Variants in TRPM3 observed in about 807,000 individuals in gnomAD.
TRPM3 encodes transient receptor potential cation channel subfamily M member 3.
In TRPM3, 77 loss-of-function variants were observed where a neutral mutation model predicts 181.2. That is an observed-to-expected ratio of 0.42 (90% CI 0.35 to 0.51). The LOEUF (loss-of-function observed/expected upper bound fraction) is 0.51, where lower values mean the gene tolerates loss of function less well. Ranked by LOEUF, TRPM3 falls within the 20% of genes least tolerant of loss-of-function variation. TRPM3 has a pLI of 0.01. For missense variants in TRPM3, 1,759 were observed against 2,196.7 expected (o/e 0.80, Z 3.98); for synonymous variants, 745 against 796.4 (o/e 0.94, Z 1.09).
At chr9:71,049,677 T>C (rs1331886493) in intron 1 of TRPM3, among the ~76,000 whole-genome samples, 1 of 152,158 alleles carries the variant, frequency 6.6e-6, no homozygotes, top group Non-Finnish European at 1.5e-5. Flanking sequence ...TGGCCATTTC[T>C]ACCTTGCCTG....
chr9:70,750,137 C>T (rs1026011824), intron 8 of TRPM3, among the ~76,000 whole-genome samples: 1 of 152,138 alleles, frequency 6.6e-6, no homozygotes, highest in Non-Finnish European at 1.5e-5. Context: ...TTGTACTATG[C>T]ATTTTTCTGT....
chr9:71,154,108 T>C (rs1258806550), intron 1 of TRPM3, among the ~76,000 whole-genome samples: 1 of 151,980 alleles, frequency 6.6e-6, no homozygotes, highest in African/African-American at 2.4e-5. Context: ...GATTTTGGAG[T>C]TCTTGAAATA....
At chr9:70,743,811 T>C (rs2074610292) in intron 8 of TRPM3, among the ~76,000 whole-genome samples, 1 of 152,288 alleles carries the variant, frequency 6.6e-6, no homozygotes. Flanking sequence ...ATTTAGTAAG[T>C]AAGCTATTAA....
chr9:71,442,862 C>T (rs2094152848), intron 1 of TRPM3, among the ~76,000 whole-genome samples: 1 of 152,040 alleles, frequency 6.6e-6, no homozygotes, highest in African/African-American at 2.4e-5. Context: ...CAGATAGAAT[C>T]AAAACAAATA....
At chr9:71,134,032 CGT>C (rs1369068979) in intron 1 of TRPM3, among the ~76,000 whole-genome samples, 52 of 150,402 alleles carry the variant, frequency 3.5e-4, no homozygotes, top group South Asian at 1.3e-3. Context: ...CGCGCGCGCG[CGT>C]GTCTGTGTTT....
At chr9:70,903,595 C>G (rs1274048218) in intron 1 of TRPM3, among the ~76,000 whole-genome samples, 3 of 151,850 alleles carry the variant, frequency 2.0e-5, no homozygotes, top group African/African-American at 7.3e-5. Context: ...AAGAAATTTG[C>G]CTTTTTGTTG....
At chr9:71,058,380 C>T (rs959721217) in intron 1 of TRPM3, among the ~76,000 whole-genome samples, 1 of 151,962 alleles carries the variant, frequency 6.6e-6, no homozygotes, top group Non-Finnish European at 1.5e-5. Context: ...ACGGAGACTG[C>T]ACAGCTGCAC....
intron 1 of TRPM3, among the ~76,000 whole-genome samples, chr9:71,348,758 G>T (rs1011998523): frequency 6.6e-6 from 1 of 151,466 alleles, no homozygotes; most frequent in Non-Finnish European, 1.5e-5. Flanking sequence ...TTTACTGGAA[G>T]TGGGGTTTCA....
chr9:71,095,719 A>C (rs2067036448), intron 1 of TRPM3, among the ~76,000 whole-genome samples: 1 of 145,782 alleles, frequency 6.9e-6, no homozygotes, highest in Non-Finnish European at 1.5e-5. Context: ...ACATTGCGTG[A>C]CTGCACTCCA....
chr9:70,752,799 T>C lies in TRPM3; in HGVS notation c.1272+8802A>G, dbSNP rs2076414254. 2.6e-5 allele frequency among the ~76,000 whole-genome samples: 4 copies of C among 152,230 alleles called. No individual in the cohort carries two copies. The South Asian group carries it at 8.3e-4, about 32-fold the overall frequency. On this transcript the variant is annotated intron_variant, in intron 8 of 25. Coordinates refer to ENST00000677713, the MANE Select transcript of TRPM3 (RefSeq NM_001366145.2). ...AACCTAGGTGTGTAGTAGGCTATGTTGTCTAGGTTTTTAGAATTACACTCT... is the reference window on the plus strand; with the variant it reads ...AACCTAGGTGTGTAGTAGGCTATGTCGTCTAGGTTTTTAGAATTACACTCT...
chr9:70,884,489 G>C (rs958489204), intron 1 of TRPM3, among the ~76,000 whole-genome samples: 1 of 152,334 alleles, frequency 6.6e-6, no homozygotes, highest in East Asian at 1.9e-4. Flanking sequence ...GATGGCCCCA[G>C]CATGGGGCAA....
At chr9:71,231,265 A>C (rs139530303) in intron 1 of TRPM3, among the ~76,000 whole-genome samples, 1 of 152,328 alleles carries the variant, frequency 6.6e-6, no homozygotes, top group Non-Finnish European at 1.5e-5. Context: ...TGAGAGTCTT[A>C]TAAGAACTGC....
chr9:70,982,648 G>A (rs2097374688), intron 1 of TRPM3, among the ~76,000 whole-genome samples: 1 of 152,058 alleles, frequency 6.6e-6, no homozygotes, highest in African/African-American at 2.4e-5. Context: ...TTATCTTCCA[G>A]CACATATTCA....
At chr9:70,596,920 A>G (rs938352872) in intron 21 of TRPM3, among the ~76,000 whole-genome samples, 2 of 151,902 alleles carry the variant, frequency 1.3e-5, no homozygotes, top group Non-Finnish European at 2.9e-5. Flanking sequence ...ATGTCAACAC[A>G]CACCCTGTTA....
At chr9:71,041,027 G>A (rs2058751364) in intron 1 of TRPM3, among the ~76,000 whole-genome samples, 1 of 152,146 alleles carries the variant, frequency 6.6e-6, no homozygotes, top group Non-Finnish European at 1.5e-5. Context: ...ATTTTGGGAT[G>A]ATGGCAAAAT....
chr9:70,790,549 T>C (rs1466199920), intron 6 of TRPM3, among the ~76,000 whole-genome samples: 1 of 152,240 alleles, frequency 6.6e-6, no homozygotes, highest in Non-Finnish European at 1.5e-5. Flanking sequence ...TATGCATCCA[T>C]GGAGAGCAGG....
In TRPM3 at chr9:70,824,112, A is replaced by T. The variant is rs2093390044; in HGVS notation, c.973+3735T>A. Among the ~76,000 whole-genome samples the T allele has an allele frequency of 2.0e-5, 3 of 152,324 alleles. No homozygotes were observed. In the South Asian group the frequency reaches 6.2e-4, roughly 32 times the overall value. On this transcript the variant is annotated intron_variant, in intron 6 of 25. Coordinates refer to ENST00000677713, the MANE Select transcript of TRPM3 (RefSeq NM_001366145.2). ...GATTCATTTAATGTTTAGGGGAAAT[A>T]TTCTTCAGAAGATTATACCATTTAT...
chr9:70,828,443 T>C (rs2093685551), intron 5 of TRPM3, among the ~76,000 whole-genome samples: 1 of 152,176 alleles, frequency 6.6e-6, no homozygotes, highest in African/African-American at 2.4e-5. Context: ...CTGGAGATGG[T>C]GGCGGGGAGC....
At chr9:71,133,610 A>C (rs1300131630) in intron 1 of TRPM3, among the ~76,000 whole-genome samples, 1 of 152,010 alleles carries the variant, frequency 6.6e-6, no homozygotes, top group African/African-American at 2.4e-5. Flanking sequence ...TTCTTCTTTT[A>C]TTAGAGTTTT....
Sources: gnomAD v4.1 joint callset for allele counts (sites outside exome capture counted in the v4.1 genomes callset) on GRCh38, gnomAD v4.1.1 for gene constraint, MANE v1.5 for transcripts, NCBI Gene and HGNC (gene_info 2026-07-23, HGNC 2026-07-21) for gene names.